IQCJ: variants seen among roughly 807,000 people sequenced by gnomAD.
The protein encoded by IQCJ is IQ domain-containing protein J.
Under a neutral mutation model 11.0 loss-of-function variants are expected in IQCJ, and 9 were observed. That is an observed-to-expected ratio of 0.82 (90% CI 0.49 to 1.43). IQCJ has a LOEUF of 1.43. Ranked by LOEUF, IQCJ falls within the 40% of genes most tolerant of loss-of-function variation. The probability of loss-of-function intolerance (pLI) is 0.00; values close to 1 mark genes in which losing one functional copy is unlikely to be tolerated. For missense variants in IQCJ, 146 were observed against 133.2 expected (o/e 1.10, Z -0.47); for synonymous variants, 55 against 51.3 (o/e 1.07, Z -0.31).
Position 159,262,581 on chromosome 3 carries a change from G to T in IQCJ, c.189G>T (p.Arg63=). The T allele has an allele frequency of 6.2e-7, 1 of 1,613,834 alleles. No individual in the cohort carries two copies. ...GAGCATGGCGAGAGTACCTGCAGCG[G>T]CAGGAGCCCCTGGGGAAGAGGAGCC... The part of the protein sequence containing the change: ...IQRAWREYLQ[R]QEPLGKRSPS... The change falls in exon 4 of 4, where the codon CGG becomes CGT. Residue 63 remains arginine, a synonymous_variant. Coordinates refer to ENST00000397832, the MANE Select transcript of IQCJ (RefSeq NM_001042706.3).
At chr3:159,261,149 T>C (rs1728180503) in intron 3 of IQCJ, among the ~76,000 whole-genome samples, 1 of 152,216 alleles carries the variant, frequency 6.6e-6, no homozygotes, top group Admixed American at 6.5e-5. Flanking sequence ...AATAAGTTTG[T>C]TGATTCAGAA....
intron 1 of IQCJ, among the ~76,000 whole-genome samples, chr3:159,070,313 T>C (rs1715477002): frequency 6.6e-6 from 1 of 152,142 alleles, no homozygotes; most frequent in African/African-American, 2.4e-5. Context: ...CAATTAATAA[T>C]ATATTCAGCA....
chr3:159,116,049 C>T (rs138584741), intron 1 of IQCJ, among the ~76,000 whole-genome samples: 124 of 152,112 alleles, frequency 8.2e-4, no homozygotes, highest in Admixed American at 2.6e-3. Context: ...TGCACATGTA[C>T]CCCAGAACTT....
intron 1 of IQCJ, among the ~76,000 whole-genome samples, chr3:159,214,340 T>A (rs60642351): frequency 0.012 from 1,787 of 152,216 alleles, 28 homozygotes; most frequent in African/African-American, 0.041. Context: ...GGCCTCCTGA[T>A]GATCTCTTGG....
At chr3:159,180,875 A>C (rs966073704) in intron 1 of IQCJ, among the ~76,000 whole-genome samples, 3 of 152,016 alleles carry the variant, frequency 2.0e-5, no homozygotes, top group Non-Finnish European at 2.9e-5. Flanking sequence ...TAAAATTTAC[A>C]ACATTTTGTC....
Position 159,163,192 on chromosome 3 carries a change from G to A in IQCJ, c.10-82651G>A, listed in dbSNP as rs1400481318. ...ATCCTCAATAAAATAGTGGCAAACC[G>A]AATCCAGCAGCACATCAAAAAGCTT... On this transcript the variant is annotated intron_variant, in intron 1 of 3. Transcript: ENST00000397832. Among the ~76,000 whole-genome samples, 9 of 152,260 alleles carry A rather than the reference G, an allele frequency of 5.9e-5. No homozygotes were observed. In the East Asian group the frequency reaches 1.5e-3, roughly 26 times the overall value.
intron 1 of IQCJ, among the ~76,000 whole-genome samples, chr3:159,205,044 G>A (rs144242702): frequency 2.0e-4 from 30 of 152,278 alleles, no homozygotes; most frequent in Admixed American, 8.5e-4. Flanking sequence ...CCAGCAGCAA[G>A]TAGTTCTGCA....
chr3:159,139,691 T>C (rs1442727034), intron 1 of IQCJ, among the ~76,000 whole-genome samples: 1 of 152,218 alleles, frequency 6.6e-6, no homozygotes, highest in Non-Finnish European at 1.5e-5. Context: ...CTGGGACACC[T>C]GCCAGGGTGC....
At chr3:159,234,575 A>C (rs1195443944) in intron 1 of IQCJ, among the ~76,000 whole-genome samples, 3 of 152,184 alleles carry the variant, frequency 2.0e-5, no homozygotes, top group Non-Finnish European at 4.4e-5. Context: ...AGGCCAAGGC[A>C]AAAACATTGC....
intron 1 of IQCJ, among the ~76,000 whole-genome samples, chr3:159,075,721 C>T (rs948196936): frequency 6.6e-6 from 1 of 152,022 alleles, no homozygotes; most frequent in Admixed American, 6.6e-5. Flanking sequence ...TAACTCAAAA[C>T]TTTAGGGAAG....
At chr3:159,103,184 A>G (rs1398942764) in intron 1 of IQCJ, among the ~76,000 whole-genome samples, 1 of 152,168 alleles carries the variant, frequency 6.6e-6, no homozygotes, top group African/African-American at 2.4e-5. Flanking sequence ...ATTTTTTACA[A>G]ATTAGTATAA....
At chr3:159,248,071 CT>C (rs1395283417) in intron 2 of IQCJ, among the ~76,000 whole-genome samples, 1 of 152,174 alleles carries the variant, frequency 6.6e-6, no homozygotes, top group African/African-American at 2.4e-5. Context: ...CCTCTTTCTA[CT>C]CTTTCTTAGC....
chr3:159,116,114 G>T (rs944000907), intron 1 of IQCJ, among the ~76,000 whole-genome samples: 1 of 152,024 alleles, frequency 6.6e-6, no homozygotes, highest in South Asian at 2.1e-4. Context: ...GCACAACTGT[G>T]GTCCCAGCTA....
At chr3:159,151,976 A>G (rs1283417715) in intron 1 of IQCJ, among the ~76,000 whole-genome samples, 2 of 152,162 alleles carry the variant, frequency 1.3e-5, no homozygotes, top group Non-Finnish European at 2.9e-5. Context: ...TATCAGATTC[A>G]ATTCTGTGAC....
chr3:159,224,360 A>G (rs1725719585), intron 1 of IQCJ, among the ~76,000 whole-genome samples: 1 of 152,244 alleles, frequency 6.6e-6, no homozygotes, highest in Non-Finnish European at 1.5e-5. Context: ...GATGTTAAAA[A>G]GAGAACAGGC....
At chr3:159,199,558 G>A (rs770430682) in intron 1 of IQCJ, among the ~76,000 whole-genome samples, 1 of 152,166 alleles carries the variant, frequency 6.6e-6, no homozygotes, top group Non-Finnish European at 1.5e-5. Context: ...GTTTATTACA[G>A]CAGCAATAGG....
intron 1 of IQCJ, among the ~76,000 whole-genome samples, chr3:159,219,380 A>T (rs1378792128): frequency 6.6e-6 from 1 of 152,146 alleles, no homozygotes; most frequent in Non-Finnish European, 1.5e-5. Context: ...CAGAGGCTAG[A>T]AAATACCACA....
At chr3:159,228,582 A>G (rs186913415) in intron 1 of IQCJ, among the ~76,000 whole-genome samples, 5 of 152,152 alleles carry the variant, frequency 3.3e-5, no homozygotes, top group African/African-American at 1.2e-4. Flanking sequence ...CGAGGTCAGG[A>G]GATCGAGACC....
chr3:159,132,911 G>A (rs1465385634), intron 1 of IQCJ, among the ~76,000 whole-genome samples: 1 of 150,754 alleles, frequency 6.6e-6, no homozygotes. Flanking sequence ...GCTCATGCTT[G>A]CTTTCTTGCT....
Sources: allele counts gnomAD v4.1 joint callset (sites outside exome capture counted in the v4.1 genomes callset), GRCh38; gene constraint gnomAD v4.1.1; transcripts MANE v1.5; gene names NCBI Gene and HGNC (gene_info 2026-07-23, HGNC 2026-07-21).